PDE11A: variants seen among roughly 807,000 people sequenced by gnomAD.
The protein encoded by PDE11A is dual 3',5'-cyclic-AMP and -GMP phosphodiesterase 11A.
Under a neutral mutation model 100.5 loss-of-function variants are expected in PDE11A, and 100 were observed. The ratio of observed to expected loss-of-function variants is 1.00; its 90% CI spans 0.85 to 1.18. PDE11A has a LOEUF of 1.18. PDE11A is among the 50% of genes most tolerant of loss of function. The probability of loss-of-function intolerance (pLI) is 0.00; values close to 1 mark genes in which losing one functional copy is unlikely to be tolerated. For synonymous variants in PDE11A, 381 were observed against 420.8 expected, an observed-to-expected ratio of 0.91 and a Z score of 1.16; for missense variants, 1,141 against 1,152.6, an observed-to-expected ratio of 0.99 and a Z score of 0.15.
chr2:177,787,358 A>G lies in PDE11A; in HGVS notation c.1738-17985T>C, dbSNP rs537554625. On this transcript the variant is annotated intron_variant, in intron 9 of 19. Transcript: ENST00000286063. ...AATGCTGAGAGATTTTGTCACCACC[A>G]GGCCTGCCCTAAAAGAGCTCCTGAA... is the stretch of plus-strand genomic sequence containing the variant. 2.6e-5 allele frequency among the ~76,000 whole-genome samples: 4 copies of G among 151,300 alleles called. No homozygotes were observed. The East Asian group carries it at 7.8e-4, about 29-fold the overall frequency.
chr2:177,997,739 A>C (rs1262617964), intron 2 of PDE11A: 4 of 1,467,070 alleles, frequency 2.7e-6, no homozygotes, highest in Non-Finnish European at 3.8e-6. Context: ...TACAACAAAC[A>C]TTCCACATAA....
At position 177,626,630 on chromosome 2, in the gene PDE11A, T is replaced by A. The variant is rs1013204806; in HGVS notation, c.*2777A>T. ...AAACTGGCTTAATAAAATCCATAAA[T>A]CTGAACAACCTCCTCTTACCTGCTC... On this transcript the variant is annotated 3_prime_UTR_variant, in exon 20 of 20. Transcript: ENST00000286063. The A allele has an allele frequency of 1.2e-4, 19 of 152,610 alleles. No homozygotes were observed. Among genetic ancestry groups the A allele is most frequent in the Admixed American group, 5.9e-4 (9 of 15,276 alleles). The allele number at this position is 152,610 out of a possible 1,614,324, so 9.5% of individuals were successfully genotyped here. A position where few individuals can be genotyped will look rare whatever the true frequency, so the allele number is the denominator to read the frequency against.
At chr2:177,888,275 G>T (rs895549082) in intron 4 of PDE11A, among the ~76,000 whole-genome samples, 1 of 152,168 alleles carries the variant, frequency 6.6e-6, no homozygotes, top group Non-Finnish European at 1.5e-5. Context: ...AATTCAGATA[G>T]ATACTGGTGC....
At chr2:178,052,303 A>C (rs201215369) in intron 1 of PDE11A, among the ~76,000 whole-genome samples, 44,210 of 152,076 alleles carry the variant, frequency 0.29, 6,579 homozygotes, top group Non-Finnish European at 0.31. Context: ...TAAAGACATT[A>C]TTTGAAACCA....
intron 2 of PDE11A, among the ~76,000 whole-genome samples, chr2:177,940,201 G>C (rs1431041983): frequency 6.6e-6 from 1 of 152,050 alleles, no homozygotes; most frequent in Non-Finnish European, 1.5e-5. Flanking sequence ...ATCTGCACAG[G>C]ATGAAGCTTT....
At chr2:177,781,752 T>C (rs1310395232) in intron 9 of PDE11A, among the ~76,000 whole-genome samples, 1 of 152,190 alleles carries the variant, frequency 6.6e-6, no homozygotes, top group East Asian at 1.9e-4. Context: ...TCTGCCCGCC[T>C]CTGCCTCCCA....
chr2:178,086,732 T>C (rs1389990909), intron 2 of PDE11A, among the ~76,000 whole-genome samples: 1 of 152,128 alleles, frequency 6.6e-6, no homozygotes, highest in Non-Finnish European at 1.5e-5. Context: ...GAGGAAGTGG[T>C]TGGATAGACA....
At chr2:177,811,027 A>C (rs2082941479) in intron 9 of PDE11A, among the ~76,000 whole-genome samples, 1 of 152,156 alleles carries the variant, frequency 6.6e-6, no homozygotes, top group African/African-American at 2.4e-5. Flanking sequence ...ACACAGACTT[A>C]TATTTTCTGG....
At chr2:177,638,000 T>A (rs1400152620) in intron 19 of PDE11A, among the ~76,000 whole-genome samples, 4,913 of 24,914 alleles carry the variant, frequency 0.2, 375 homozygotes, top group Non-Finnish European at 0.29. Context: ...TATATATATT[T>A]TTTTTTTTTT....
intron 19 of PDE11A, among the ~76,000 whole-genome samples, chr2:177,629,946 T>G (rs923310045): frequency 7.2e-5 from 11 of 152,342 alleles, no homozygotes; most frequent in African/African-American, 2.6e-4. Flanking sequence ...CTCAATTGAC[T>G]ATGCACTTAA....
intron 5 of PDE11A, among the ~76,000 whole-genome samples, chr2:177,857,653 A>C (rs1272811694): frequency 6.6e-6 from 1 of 151,958 alleles, no homozygotes; most frequent in Middle Eastern, 3.2e-3. Flanking sequence ...ATAGAAAACA[A>C]ATACAGAAAA....
At chr2:177,939,791 C>A (rs2085325497) in intron 2 of PDE11A, among the ~76,000 whole-genome samples, 1 of 152,072 alleles carries the variant, frequency 6.6e-6, no homozygotes, top group Non-Finnish European at 1.5e-5. Flanking sequence ...CAAACCAGGA[C>A]AAGTTGGGCA....
intron 9 of PDE11A, among the ~76,000 whole-genome samples, chr2:177,776,048 T>A (rs1294851175): frequency 6.6e-6 from 1 of 152,168 alleles, no homozygotes; most frequent in Non-Finnish European, 1.5e-5. Flanking sequence ...AAACAGTATC[T>A]CCATTACCCA....
intron 2 of PDE11A, among the ~76,000 whole-genome samples, chr2:177,937,221 C>A (rs2085286003): frequency 6.6e-6 from 1 of 151,958 alleles, no homozygotes; most frequent in Non-Finnish European, 1.5e-5. Flanking sequence ...TATATGGTCA[C>A]TCTACCTCTA....
intron 5 of PDE11A, among the ~76,000 whole-genome samples, chr2:177,863,107 T>C (rs1161843614): frequency 6.6e-6 from 1 of 151,854 alleles, no homozygotes; most frequent in Non-Finnish European, 1.5e-5. Flanking sequence ...AAATTAATGG[T>C]TCTGGGAAAA....
At chr2:177,718,617 G>A (rs1186974090) in intron 12 of PDE11A, among the ~76,000 whole-genome samples, 1 of 152,126 alleles carries the variant, frequency 6.6e-6, no homozygotes, top group Non-Finnish European at 1.5e-5. Flanking sequence ...ACAATAGTTT[G>A]TAATATCTCA....
chr2:177,821,056 AAAC>A (rs1163688018), intron 6 of PDE11A, among the ~76,000 whole-genome samples: 4 of 151,942 alleles, frequency 2.6e-5, no homozygotes, highest in Admixed American at 1.3e-4. Flanking sequence ...CAATAGGAGA[AAAC>A]AATAAGATAT....
At chr2:177,923,395 AAAG>A (rs1166851628) in intron 2 of PDE11A, among the ~76,000 whole-genome samples, 10 of 152,220 alleles carry the variant, frequency 6.6e-5, no homozygotes, top group Non-Finnish European at 1.5e-4. Flanking sequence ...AAAGAAAAGA[AAAG>A]AAAGTAAGTA....
At chr2:177,890,028 G>A (rs2084505397) in intron 4 of PDE11A, among the ~76,000 whole-genome samples, 1 of 152,234 alleles carries the variant, frequency 6.6e-6, no homozygotes, top group African/African-American at 2.4e-5. Flanking sequence ...ATGATTTAGG[G>A]TGGCTGCATT....
Sources: gnomAD v4.1 joint callset for allele counts (sites outside exome capture counted in the v4.1 genomes callset) on GRCh38, gnomAD v4.1.1 for gene constraint, MANE v1.5 for transcripts, NCBI Gene and HGNC (gene_info 2026-07-23, HGNC 2026-07-21) for gene names.